SGTA: variants seen among roughly 807,000 people sequenced by gnomAD.
SGTA encodes small glutamine-rich tetratricopeptide repeat-containing protein alpha.
In SGTA, 22 loss-of-function variants were observed where a neutral mutation model predicts 44.3. That is an observed-to-expected ratio of 0.50 (90% CI 0.36 to 0.71). The LOEUF (loss-of-function observed/expected upper bound fraction) is 0.71. SGTA is among the 30% of genes least tolerant of loss of function. SGTA has a pLI of 0.00. For missense variants in SGTA, 341 were observed against 435.9 expected (o/e 0.78, Z 1.94); for synonymous variants, 174 against 177.6 (o/e 0.98, Z 0.16).
intron 1 of SGTA, among the ~76,000 whole-genome samples, chr19:2,769,651 T>C (rs1017885363): frequency 5.9e-5 from 9 of 152,298 alleles, no homozygotes; most frequent in African/African-American, 2.2e-4. Flanking sequence ...TATCACTGTT[T>C]CACAGGACTT....
chr19:2,766,466 C>T (rs557265161), intron 4 of SGTA, among the ~76,000 whole-genome samples: 1 of 151,570 alleles, frequency 6.6e-6, no homozygotes, highest in Non-Finnish European at 1.5e-5. Context: ...GAGTTTCACT[C>T]TTATCGCCCA....
chr19:2,761,413 G>A lies in SGTA; in HGVS notation c.699+47C>T. 1 of 1,485,758 alleles carries A rather than the reference G, an allele frequency of 6.7e-7. No individual in the cohort carries two copies. The highest frequency in any genetic ancestry group is 2.5e-5 in the East Asian group (1 of 40,590). The allele number at this position is 1,485,758 out of a possible 1,614,324, so 92.0% of individuals were successfully genotyped here. On this transcript the variant is annotated intron_variant, in intron 8 of 11. Transcript: ENST00000221566. The surrounding 1 kb of genome is among the most constrained non-coding windows in gnomAD (Gnocchi z 5.7). The stretch of plus-strand genomic sequence containing the variant: ...AGCGGACACAGCAGATGCGGGCCTG[G>A]GGGGTGGCGCAGACACCATGGACAG...
At chr19:2,758,386 G>A (rs576924330) in intron 9 of SGTA, among the ~76,000 whole-genome samples, 4 of 152,160 alleles carry the variant, frequency 2.6e-5, no homozygotes, top group South Asian at 2.1e-4. Flanking sequence ...AAAATCAGCC[G>A]GGCATGGTGG....
intron 1 of SGTA, among the ~76,000 whole-genome samples, chr19:2,771,230 C>T (rs1219256251): frequency 6.6e-6 from 1 of 152,164 alleles, no homozygotes; most frequent in Non-Finnish European, 1.5e-5. Context: ...CAGAGACCAT[C>T]CTGGCCAAAC....
chr19:2,759,435 C>A, intron 8 of SGTA, 141 bp from the exon 9 acceptor site: 1 of 745,940 alleles, frequency 1.3e-6, no homozygotes, highest in Non-Finnish European at 2.3e-6. Flanking sequence ...TTCGGTCTTT[C>A]ATACCCTTTT....
rs371057200 is a variant in SGTA at position 2,761,260 on chromosome 19, GCT to G, written c.699+198_699+199del. On this transcript the variant is annotated intron_variant, in intron 8 of 11. Transcript: ENST00000221566. This position sits in a 1 kb window ranked among gnomAD's most constrained non-coding sequence, Gnocchi z 5.7. ...GATTGTCGAAGCAGAGGGTGGGGGT[GCT>G]CCTGACATGGGGCGGGTGAGGCCAG... is the stretch of plus-strand genomic sequence containing the variant. Among the ~76,000 whole-genome samples the G allele has an allele frequency of 8.1e-3, 1,228 of 152,256 alleles. 15 individuals are homozygous for G. Among genetic ancestry groups the G allele is most frequent in the African/African-American group, 0.028 (1,161 of 41,548 alleles).
rs1011263421 is a variant in SGTA, at chr19:2,756,430, G to A, written c.*7-497C>T. ...GTGACTGCACCACTGCCCTCCAGCC[G>A]GGGGGACAGAGCAGGACGGTCTCAA... On this transcript the variant is annotated intron_variant, in intron 11 of 11. Transcript: ENST00000221566. 1.3e-3 allele frequency among the ~76,000 whole-genome samples: 189 copies of A among 151,130 alleles called. 2 individuals carry two copies. Among genetic ancestry groups the A allele is most frequent in the African/African-American group, 4.2e-3 (174 of 41,124 alleles).
At position 2,763,253 on chromosome 19, in the gene SGTA, C is replaced by T. The variant is rs775449976; in HGVS notation, c.497+400G>A. Among the ~76,000 whole-genome samples, 3 of 152,220 alleles carry T rather than the reference C, an allele frequency of 2.0e-5. No homozygotes were observed. Among genetic ancestry groups the T allele is most frequent in the Non-Finnish European group, 2.9e-5 (2 of 68,030 alleles). ...TATGCTGGGAGGGCGGCACCGGCTG[C>T]ACGGGGCGCAGGCTCCTGCCCCGGG... On this transcript the variant is annotated intron_variant, in intron 6 of 11. Transcript: ENST00000221566. The surrounding 1 kb of genome is among the most constrained non-coding windows in gnomAD (Gnocchi z 5.8).
chr19:2,756,999 C>T (rs938073787), intron 11 of SGTA, among the ~76,000 whole-genome samples: 1 of 152,206 alleles, frequency 6.6e-6, no homozygotes, highest in African/African-American at 2.4e-5. Context: ...AGAGCTTCTG[C>T]AGGCGGCCTT....
intron 1 of SGTA, among the ~76,000 whole-genome samples, chr19:2,771,575 C>CGGGGGGGGGGG (rs5741784): frequency 9.1e-6 from 1 of 109,292 alleles, no homozygotes; most frequent in Non-Finnish European, 1.9e-5. Flanking sequence ...ACCTCCCCAT[C>CGGGGGGGGGGG]GGGGGGGGGG....
intron 1 of SGTA, among the ~76,000 whole-genome samples, chr19:2,776,969 A>AAAAG (rs1014294130): frequency 6.6e-6 from 1 of 151,762 alleles, no homozygotes; most frequent in Non-Finnish European, 1.5e-5. Flanking sequence ...TCTCAAAAAA[A>AAAAG]AAAGAAAGAC....
chr19:2,777,111 C>T (rs1253653357), intron 1 of SGTA, among the ~76,000 whole-genome samples: 2 of 151,570 alleles, frequency 1.3e-5, no homozygotes, highest in Non-Finnish European at 2.9e-5. Context: ...AATAGCCGGT[C>T]GTAGTGGTGC....
At chr19:2,772,666 G>A (rs1050970961) in intron 1 of SGTA, among the ~76,000 whole-genome samples, 2 of 152,256 alleles carry the variant, frequency 1.3e-5, no homozygotes, top group Non-Finnish European at 2.9e-5. Context: ...ACCAGTGTAC[G>A]GCGGGTCCCT....
intron 1 of SGTA, 57 bp from the exon 2 acceptor site, chr19:2,769,148 C>A: frequency 9.9e-7 from 1 of 1,008,320 alleles, no homozygotes; most frequent in South Asian, 1.3e-5. Context: ...CTCCAGGCAC[C>A]CCAGGCCTGC....
Position 2,761,493 on chromosome 19 carries a change from G to C in SGTA, c.666C>G (p.Ala222=). The change falls in exon 8 of 12, where the codon GCC becomes GCG. Residue 222 remains alanine, a synonymous_variant. Transcript: ENST00000221566. The surrounding 1 kb of genome is among the most constrained non-coding windows in gnomAD (Gnocchi z 5.7). The part of the protein sequence containing the change: ...PTGGVGSFDI[A]GLLNNPGFMS... ...TGAAGCCAGGGTTGTTCAGCAGGCCGGCGATGTCGAAGCTGCCCACGCCTC... is the reference window on the plus strand; with the variant it reads ...TGAAGCCAGGGTTGTTCAGCAGGCCCGCGATGTCGAAGCTGCCCACGCCTC... The C allele has an allele frequency of 1.3e-6, 2 of 1,551,536 alleles. No individual in the cohort carries two copies. The highest frequency in any genetic ancestry group is 1.7e-6 in the Non-Finnish European group (2 of 1,146,904).
At position 2,761,811 on chromosome 19, in the gene SGTA, CTA is replaced by C. The variant is rs1915000765; in HGVS notation, c.637-291_637-290del. Among the ~76,000 whole-genome samples the C allele has an allele frequency of 3.4e-5, 5 of 146,432 alleles. No homozygotes were observed. The highest frequency in any genetic ancestry group is 1.3e-4 in the African/African-American group (5 of 38,676). ...CGCGACCGCCCGGGGACGGCACAGT[CTA>C]TCATCCCGTGTTTATTCCCCGCACA... On this transcript the variant is annotated intron_variant, in intron 7 of 11. Coordinates refer to ENST00000221566, the MANE Select transcript of SGTA (RefSeq NM_003021.4). This position sits in a 1 kb window ranked among gnomAD's most constrained non-coding sequence, Gnocchi z 5.7.
At position 2,783,259 on chromosome 19, in the gene SGTA, C is replaced by A. The variant is rs1472343696; in HGVS notation, c.-50G>T. On this transcript the variant is annotated 5_prime_UTR_variant, in exon 1 of 12. Transcript: ENST00000221566. ...TCTCAGGCGACCGATCCCCGACCCA[C>A]CGACGGTTGCGCTTGCGCACCGCGG... The A allele has an allele frequency of 2.0e-5, 3 of 152,272 alleles. No homozygotes were observed. The highest frequency in any genetic ancestry group is 6.5e-5 in the Admixed American group (1 of 15,290). 9.4% of individuals were successfully genotyped at this position (152,272 alleles called of 1,614,324 possible). A position where few individuals can be genotyped will look rare whatever the true frequency, so the allele number is the denominator to read the frequency against.
intron 1 of SGTA, chr19:2,770,024 G>A (rs1478885038): frequency 1.4e-5 from 1 of 70,678 alleles, no homozygotes; most frequent in Non-Finnish European, 2.6e-5. Context: ...TGCCCCCCTC[G>A]GACACCCGCC....
intron 5 of SGTA, among the ~76,000 whole-genome samples, chr19:2,764,146 A>C (rs1915076051): frequency 6.6e-6 from 1 of 152,242 alleles, no homozygotes; most frequent in Admixed American, 6.5e-5. Flanking sequence ...CAGCGTCTGA[A>C]TCGTCTTCAC....
Sources: allele counts gnomAD v4.1 joint callset (sites outside exome capture counted in the v4.1 genomes callset), GRCh38; gene constraint gnomAD v4.1.1; non-coding constraint Gnocchi (gnomAD v3.1); transcripts MANE v1.5; gene names NCBI Gene and HGNC (gene_info 2026-07-23, HGNC 2026-07-21).